Variants in STK3 observed in about 807,000 individuals in gnomAD.
STK3 encodes the protein serine/threonine kinase 3.
Under a neutral mutation model 58.0 loss-of-function variants are expected in STK3, and 41 were observed. The observed-to-expected ratio is 0.71, with a 90% CI of 0.55 to 0.92. STK3 has a LOEUF of 0.92. STK3 is among the 40% of genes least tolerant of loss of function. The pLI, the probability that STK3 is intolerant of heterozygous loss-of-function variation, is 0.00. For synonymous variants in STK3, 170 were observed against 191.0 expected (o/e 0.89, Z 0.91); for missense variants, 479 against 602.7 (o/e 0.79, Z 2.15).
chr8:98,644,787 T>G (rs1302400600), intron 6 of STK3, among the ~76,000 whole-genome samples: 1 of 152,130 alleles, frequency 6.6e-6, no homozygotes, highest in African/African-American at 2.4e-5. Context: ...CCCTACACAT[T>G]TAGAAGAAGT....
chr8:98,356,892 A>G, the STK3 span, among the ~76,000 whole-genome samples: 1 of 152,230 alleles, frequency 6.6e-6, no homozygotes, highest in Admixed American at 6.5e-5. Flanking sequence ...TGATGTTTAG[A>G]ACTGAACCCT....
chr8:98,371,505 G>T (rs568092766), exon 3 of STK3: 1 of 152,200 alleles, frequency 6.6e-6, no homozygotes, highest in Non-Finnish European at 1.5e-5. Flanking sequence ...CTGCTGGATC[G>T]CAAGTGCAGT....
intron 1 of STK3, among the ~76,000 whole-genome samples, chr8:98,892,934 A>G (rs1838250230): frequency 6.6e-6 from 1 of 152,172 alleles, no homozygotes; most frequent in African/African-American, 2.4e-5. Context: ...CAGCTCTCTA[A>G]GAATATATTT....
At chr8:98,900,665 CT>C (rs944171968) in intron 1 of STK3, among the ~76,000 whole-genome samples, 70 of 141,384 alleles carry the variant, frequency 5.0e-4, no homozygotes, top group Non-Finnish European at 5.0e-4. Context: ...TTCTTTTTTT[CT>C]TTTTTTTTTT....
chr8:98,406,480 A>G (rs1426061121), intron 3 of STK3, among the ~76,000 whole-genome samples: 1 of 151,808 alleles, frequency 6.6e-6, no homozygotes, highest in Non-Finnish European at 1.5e-5. Flanking sequence ...CCCAGTGTCT[A>G]CTGTTCCCAT....
Position 98,455,081 on chromosome 8 carries a change from T to C in STK3, c.*761A>G, listed in dbSNP as rs922709413. The stretch of plus-strand genomic sequence containing the variant: ...TTTTATTTAAAAATATTTATCACAC[T>C]TTTTTGTGCAAGGGTTCCATTGATT... On this transcript the variant is annotated 3_prime_UTR_variant, in exon 11 of 11. Transcript: ENST00000419617. 1.3e-5 allele frequency: 2 copies of C among 152,498 alleles called. No homozygotes were observed. The highest frequency in any genetic ancestry group is 1.3e-4 in the Admixed American group (2 of 15,274). The allele number at this position is 152,498 out of a possible 1,614,324, so 9.4% of individuals were successfully genotyped here. A position where few individuals can be genotyped will look rare whatever the true frequency, so the allele number is the denominator to read the frequency against.
chr8:98,683,126 T>A (rs991718022), intron 6 of STK3, among the ~76,000 whole-genome samples: 1 of 151,886 alleles, frequency 6.6e-6, no homozygotes, highest in Non-Finnish European at 1.5e-5. Context: ...TGCCCACTAC[T>A]GATTTTTCTG....
At chr8:98,625,729 C>A (rs1356444629) in intron 6 of STK3, among the ~76,000 whole-genome samples, 1 of 152,108 alleles carries the variant, frequency 6.6e-6, no homozygotes, top group African/African-American at 2.4e-5. Flanking sequence ...TAATTTGGGG[C>A]AAGGAGATTT....
At chr8:98,514,981 CCTT>C (rs1442886943) in intron 10 of STK3, among the ~76,000 whole-genome samples, 1 of 152,112 alleles carries the variant, frequency 6.6e-6, no homozygotes, top group East Asian at 1.9e-4. Context: ...AAATCAGAAA[CCTT>C]CTTCTTCACC....
At chr8:98,836,516 C>G (rs1411787193) in intron 3 of STK3, among the ~76,000 whole-genome samples, 1 of 152,232 alleles carries the variant, frequency 6.6e-6, no homozygotes, top group Non-Finnish European at 1.5e-5. Flanking sequence ...AACATTCAAA[C>G]AATAGCACCT....
chr8:98,679,509 ACTAT>A (rs1435637392), intron 6 of STK3, among the ~76,000 whole-genome samples: 5 of 152,162 alleles, frequency 3.3e-5, no homozygotes, highest in Non-Finnish European at 7.4e-5. Context: ...AGCACTTATG[ACTAT>A]CTAAGACACA....
intron 3 of STK3, among the ~76,000 whole-genome samples, chr8:98,855,131 A>G (rs1202222327): frequency 2.0e-5 from 3 of 152,204 alleles, no homozygotes. Context: ...TGCAATTCCA[A>G]TATCATCTCA....
At chr8:98,723,796 TA>T (rs1225327156) in intron 4 of STK3, among the ~76,000 whole-genome samples, 1 of 152,142 alleles carries the variant, frequency 6.6e-6, no homozygotes, top group Admixed American at 6.6e-5. Flanking sequence ...GGCACTTGCA[TA>T]AGGTCTTAAA....
intron 6 of STK3, among the ~76,000 whole-genome samples, chr8:98,669,740 T>A (rs1324578469): frequency 6.6e-6 from 1 of 152,154 alleles, no homozygotes; most frequent in African/African-American, 2.4e-5. Context: ...AAAGTATCAG[T>A]CCCTACAACA....
rs1829489635 is a variant in STK3, at chr8:98,744,470, G to C, written c.351+4806C>G. Reference sequence around the variant, plus strand: ...ATTGGAAATCATCATTCTCAGTAAAGTATCACAAGAACCAAAAAACCAAAC... The same window carrying C: ...ATTGGAAATCATCATTCTCAGTAAACTATCACAAGAACCAAAAAACCAAAC... On this transcript the variant is annotated intron_variant, in intron 4 of 10. Coordinates refer to ENST00000419617, the MANE Select transcript of STK3 (RefSeq NM_006281.4). Among the ~76,000 whole-genome samples, 5 of 151,022 alleles carry C rather than the reference G, an allele frequency of 3.3e-5. No individual in the cohort carries two copies. In the South Asian group the frequency reaches 1.1e-3, roughly 32 times the overall value.
chr8:98,433,211 C>G (rs573709438), intron 3 of STK3, among the ~76,000 whole-genome samples: 8 of 152,254 alleles, frequency 5.3e-5, no homozygotes, highest in African/African-American at 1.9e-4. Context: ...TCTTGTAACT[C>G]TTGTGAAACA....
chr8:98,676,468 C>T (rs1823219661), intron 6 of STK3, among the ~76,000 whole-genome samples: 1 of 152,028 alleles, frequency 6.6e-6, no homozygotes, highest in African/African-American at 2.4e-5. Context: ...CAAAAATTAG[C>T]CAGGAGTGGT....
intron 2 of STK3, among the ~76,000 whole-genome samples, chr8:98,769,957 T>C (rs537828408): frequency 2.2e-4 from 34 of 152,354 alleles, no homozygotes; most frequent in Non-Finnish European, 4.0e-4. Flanking sequence ...TTACTGGAAG[T>C]TGAATTACAT....
intron 1 of STK3, among the ~76,000 whole-genome samples, chr8:98,787,949 C>T (rs1425639216): frequency 1.3e-5 from 2 of 152,172 alleles, no homozygotes; most frequent in African/African-American, 4.8e-5. Context: ...AATCTTGAAA[C>T]AAAGCCAGAA....
Sources: gnomAD v4.1 joint callset for allele counts (sites outside exome capture counted in the v4.1 genomes callset) on GRCh38, gnomAD v4.1.1 for gene constraint, MANE v1.5 for transcripts, NCBI Gene and HGNC (gene_info 2026-07-23, HGNC 2026-07-21) for gene names.